NLRP3: variants seen among roughly 807,000 people sequenced by gnomAD.
NLRP3 encodes the protein NLR family pyrin domain containing 3.
Under a neutral mutation model 91.3 loss-of-function variants are expected in NLRP3, and 48 were observed. The observed-to-expected ratio is 0.53, with a 90% confidence interval of 0.42 to 0.67. NLRP3 has a LOEUF of 0.67. Ranked by LOEUF, NLRP3 falls within the 30% of genes least tolerant of loss-of-function variation. The pLI is 0.00. For synonymous variants in NLRP3, 561 were observed against 507.9 expected (o/e 1.10, Z -1.41); for missense variants, 982 against 1,276.9 (o/e 0.77, Z 3.52).
intron 5 of NLRP3, among the ~76,000 whole-genome samples, chr1:247,431,859 A>G (rs1663356595): frequency 6.6e-6 from 1 of 151,970 alleles, no homozygotes; most frequent in Non-Finnish European, 1.5e-5. Context: ...TGTTTCATGG[A>G]TATGTTACTG....
At chr1:247,446,987 G>A (rs768086358) in intron 9 of NLRP3, among the ~76,000 whole-genome samples, 1 of 152,150 alleles carries the variant, frequency 6.6e-6, no homozygotes, top group Non-Finnish European at 1.5e-5. Context: ...TCAAAGCTGG[G>A]GACACTGCTA....
At position 247,434,207 on chromosome 1, in the gene NLRP3, G is replaced by T; in HGVS notation, c.2426G>T (p.Gly809Val). 1 of 1,614,242 alleles carries T rather than the reference G, an allele frequency of 6.2e-7. No individual in the cohort carries two copies. The highest frequency in any genetic ancestry group is 2.2e-5 in the East Asian group (1 of 44,890). Residue 809 changes from glycine to valine, a missense_variant, in exon 6 of 10, where the codon GGT becomes GTT. Gly to Val is a moderately radical substitution (Grantham distance 109). Transcript: ENST00000336119. ...VELDLSDNAL[G>V]DFGIRLLCVG... Reference sequence around the variant, plus strand: ...CTGGACCTGAGTGACAACGCCCTCGGTGACTTCGGAATCAGACTTCTGTGT... The same window carrying T: ...CTGGACCTGAGTGACAACGCCCTCGTTGACTTCGGAATCAGACTTCTGTGT...
chr1:247,426,136 A>G (rs1220187993), intron 4 of NLRP3, among the ~76,000 whole-genome samples: 1 of 152,210 alleles, frequency 6.6e-6, no homozygotes, highest in Non-Finnish European at 1.5e-5. Flanking sequence ...CAAATCATGA[A>G]TGCAGTCTGA....
At chr1:247,433,635 C>T (rs1663514734) in intron 5 of NLRP3, among the ~76,000 whole-genome samples, 1 of 152,094 alleles carries the variant, frequency 6.6e-6, no homozygotes, top group African/African-American at 2.4e-5. Context: ...CCAGAGCTCT[C>T]TGGTCAGGTG....
At chr1:247,432,778 T>A (rs1663431435) in intron 5 of NLRP3, among the ~76,000 whole-genome samples, 1 of 152,146 alleles carries the variant, frequency 6.6e-6, no homozygotes, top group Non-Finnish European at 1.5e-5. Flanking sequence ...GAAGCTAGAA[T>A]GTTGTTCTTG....
At chr1:247,423,172 C>T in intron 2 of NLRP3, 58 bp from the exon 3 acceptor site, 1 of 1,611,516 alleles carries the variant, frequency 6.2e-7, no homozygotes, top group Admixed American at 1.7e-5. Context: ...GGCCAGGTTT[C>T]AATTGCATCC....
At position 247,424,969 on chromosome 1, in the gene NLRP3, A is replaced by G. The variant is rs925004467; in HGVS notation, c.1520A>G (p.Gln507Arg). The change falls in exon 4 of 10, where the codon CAA (glutamine) becomes CGA (arginine). Residue 507 changes from glutamine (Q) to arginine (R), a missense_variant. Transcript: ENST00000336119. This position sits in a 1 kb window ranked among gnomAD's most constrained non-coding sequence, Gnocchi z 8.1. ...GCTTTCCTGAGGATGAACCTGTTCC[A>G]AAAGGAAGTGGACTGCGAGAAGTTC... The part of the protein sequence containing the change: ...VSAFLRMNLF[Q>R]KEVDCEKFYS... 6.2e-7 allele frequency: 1 copy of G among 1,614,076 alleles called. No homozygotes were observed. The highest frequency in any genetic ancestry group is 1.7e-5 in the Admixed American group (1 of 60,012).
chr1:247,447,201 G>A (rs1162474771), intron 9 of NLRP3, among the ~76,000 whole-genome samples: 1 of 152,188 alleles, frequency 6.6e-6, no homozygotes, highest in African/African-American at 2.4e-5. Context: ...AGTCTCTGAT[G>A]AATTTGGTTG....
At chr1:247,443,279 G>A (rs1194494849) in intron 7 of NLRP3, among the ~76,000 whole-genome samples, 4 of 152,134 alleles carry the variant, frequency 2.6e-5, no homozygotes, top group Non-Finnish European at 5.9e-5. Context: ...ACCCAGGCTA[G>A]AGTGTGGCAG....
chr1:247,443,958 C>T lies in NLRP3; in HGVS notation c.2664-14C>T. On this transcript the variant is annotated splice_polypyrimidine_tract_variant and intron_variant, in intron 7 of 9. Transcript: ENST00000336119. The stretch of plus-strand genomic sequence containing the variant: ...AGCTGGGTACTGAGGACTCTTCTCC[C>T]TGTCCTTCTACAGGTTGGTGAATTC... The T allele has an allele frequency of 1.2e-6, 2 of 1,613,740 alleles. No homozygotes were observed. The highest frequency in any genetic ancestry group is 1.3e-5 in the African/African-American group (1 of 75,052).
intron 5 of NLRP3, among the ~76,000 whole-genome samples, chr1:247,432,668 G>T (rs1663424902): frequency 6.6e-6 from 1 of 152,198 alleles, no homozygotes; most frequent in Non-Finnish European, 1.5e-5. Context: ...CAGAGAAGTA[G>T]AGATCCATTT....
chr1:247,448,755 G>C lies in NLRP3; in HGVS notation c.*251G>C. 1 of 542,764 alleles carries C rather than the reference G, an allele frequency of 1.8e-6. No homozygotes were observed. The highest frequency in any genetic ancestry group is 2.1e-5 in the South Asian group (1 of 47,968). 33.6% of individuals were successfully genotyped at this position (542,764 alleles called of 1,614,324 possible). A position where few individuals can be genotyped will look rare whatever the true frequency, so the allele number is the denominator to read the frequency against. On this transcript the variant is annotated 3_prime_UTR_variant, in exon 10 of 10. Coordinates refer to ENST00000336119, the MANE Select transcript of NLRP3 (RefSeq NM_001243133.2). ...TGTTGTCATCACAGCGCCTCAGTTA[G>C]AGGATGTTCCTCTTGGTGACCTCAT...
chr1:247,416,482 A>G (rs1396980871), intron 1 of NLRP3, among the ~76,000 whole-genome samples: 1 of 152,136 alleles, frequency 6.6e-6, no homozygotes, highest in Non-Finnish European at 1.5e-5. Context: ...CTCCCAGGGG[A>G]GAAGATGGAT....
intron 6 of NLRP3, 124 bp from the exon 7 acceptor site, chr1:247,435,846 G>T: frequency 2.3e-6 from 2 of 873,440 alleles, no homozygotes; most frequent in Non-Finnish European, 3.8e-6. Context: ...TGTACATAGA[G>T]CTTGTGTCCA....
Position 247,424,087 on chromosome 1 carries a change from A to T in NLRP3, c.638A>T (p.His213Leu), listed in dbSNP as rs150396172. 2 of 1,613,980 alleles carry T rather than the reference A, an allele frequency of 1.2e-6. No homozygotes were observed. Among genetic ancestry groups the T allele is most frequent in the East Asian group, 2.2e-5 (1 of 44,880 alleles). ...MELLFDPDDEHSEPVHTVVFQ... is the reference protein window; with the variant it reads ...MELLFDPDDELSEPVHTVVFQ... ...TTGCTGTTTGACCCCGATGATGAGC[A>T]TTCTGAGCCTGTGCACACCGTGGTG... Residue 213 changes from histidine to leucine, a missense_variant, in exon 4 of 10, where the codon CAT (histidine) becomes CTT (leucine). Coordinates refer to ENST00000336119, the MANE Select transcript of NLRP3 (RefSeq NM_001243133.2). The surrounding 1 kb of genome is among the most constrained non-coding windows in gnomAD (Gnocchi z 8.1).
chr1:247,435,872 T>C (rs1663754534), intron 6 of NLRP3, 98 bp from the exon 7 acceptor site: 1 of 1,113,414 alleles, frequency 9.0e-7, no homozygotes, highest in South Asian at 1.2e-5. Flanking sequence ...TTTCCATGTG[T>C]AAACTGGAGT....
intron 2 of NLRP3, among the ~76,000 whole-genome samples, chr1:247,419,460 A>C (rs376307342): frequency 6.6e-6 from 1 of 152,054 alleles, no homozygotes; most frequent in East Asian, 1.9e-4. Flanking sequence ...CGGCCGTAAT[A>C]ATTTTTAAAT....
At chr1:247,419,162 A>ATT (rs1209804180) in intron 2 of NLRP3, 85 bp downstream of exon 2, 136 of 247,592 alleles carry the variant, frequency 5.5e-4, no homozygotes, top group East Asian at 1.7e-3. Context: ...ATATATATAT[A>ATT]TATTTTTTTT....
intron 7 of NLRP3, among the ~76,000 whole-genome samples, chr1:247,442,746 T>G (rs1236198519): frequency 2.0e-5 from 3 of 152,174 alleles, no homozygotes. Flanking sequence ...CTGCACTCCT[T>G]CCTTGCCAGG....
Sources: allele counts gnomAD v4.1 joint callset (sites outside exome capture counted in the v4.1 genomes callset), GRCh38; gene constraint gnomAD v4.1.1; non-coding constraint Gnocchi (gnomAD v3.1); transcripts MANE v1.5; gene names NCBI Gene and HGNC (gene_info 2026-07-23, HGNC 2026-07-21).